NEK5: variants seen among roughly 807,000 people sequenced by gnomAD.
NEK5 encodes the protein NIMA related kinase 5, also known as serine/threonine-protein kinase Nek5.
NEK5 carries 88 observed loss-of-function variants against 109.2 expected under a neutral mutation model. The ratio of observed to expected loss-of-function variants is 0.81; its 90% CI spans 0.68 to 0.96. The LOEUF is 0.96. NEK5 is among the 40% of genes least tolerant of loss of function. NEK5 has a pLI of 0.00. For synonymous variants in NEK5, 283 were observed against 299.9 expected, an observed-to-expected ratio of 0.94 and a Z score of 0.58; for missense variants, 834 against 920.7, an observed-to-expected ratio of 0.91 and a Z score of 1.22.
At chr13:52,039,498 G>A (rs149127349) in intron 23 of NEK5, among the ~76,000 whole-genome samples, 9 of 152,210 alleles carry the variant, frequency 5.9e-5, no homozygotes, top group Admixed American at 2.0e-4. Flanking sequence ...ATTTATTTTC[G>A]TTGTTGCTGC....
At chr13:52,069,809 C>T (rs1386990880) in intron 20 of NEK5, among the ~76,000 whole-genome samples, 2 of 152,312 alleles carry the variant, frequency 1.3e-5, no homozygotes, top group Non-Finnish European at 2.9e-5. Context: ...TGCTCTGCAG[C>T]CAGCATGATC....
chr13:52,102,224 C>G lies in NEK5; in HGVS notation c.678G>C (p.Pro226=), dbSNP rs756681217. The stretch of plus-strand genomic sequence containing the variant: ...AGGAATGGAGCTCACGAGAAAACCC[C>G]GGAGATATTGGGGCAAAATGTGCTT... ...ICQAHFAPIS[P]GFSRELHSLI... is the part of the protein sequence containing the mutation. Residue 226 remains proline (P), a synonymous_variant, in exon 10 of 24, where the codon CCG becomes CCC. Transcript: ENST00000684899. The G allele has an allele frequency of 2.5e-6, 4 of 1,613,930 alleles. No individual in the cohort carries two copies. In the African/African-American group the frequency reaches 5.3e-5, roughly 22 times the overall value.
At chr13:52,069,172 T>C (rs1250944217) in intron 20 of NEK5, among the ~76,000 whole-genome samples, 1 of 152,012 alleles carries the variant, frequency 6.6e-6, no homozygotes, top group African/African-American at 2.4e-5. Context: ...CCCAGCAAAC[T>C]GATGCAAAGA....
chr13:52,097,310 C>T (rs920668315), intron 12 of NEK5, among the ~76,000 whole-genome samples: 7 of 152,164 alleles, frequency 4.6e-5, no homozygotes, highest in African/African-American at 9.7e-5. Context: ...ACTCCAAAAA[C>T]GGTAGATTGA....
chr13:52,118,115 G>A (rs1407162720), intron 4 of NEK5, among the ~76,000 whole-genome samples: 3 of 152,106 alleles, frequency 2.0e-5, no homozygotes, highest in African/African-American at 4.8e-5. Context: ...TGAATGTAGC[G>A]GTTTTAATCA....
chr13:52,118,307 T>C (rs947893334), intron 4 of NEK5, among the ~76,000 whole-genome samples: 3 of 152,168 alleles, frequency 2.0e-5, no homozygotes, highest in African/African-American at 7.2e-5. Context: ...GGAATGACCC[T>C]TCATAAAACT....
At chr13:52,045,190 T>C (rs1280680394) in intron 23 of NEK5, among the ~76,000 whole-genome samples, 1 of 135,020 alleles carries the variant, frequency 7.4e-6, no homozygotes, top group Admixed American at 8.5e-5. Context: ...AGTGCAGTGG[T>C]GTGATCTCGG....
chr13:52,053,353 T>C (rs1475220531), intron 22 of NEK5, among the ~76,000 whole-genome samples: 1 of 152,096 alleles, frequency 6.6e-6, no homozygotes, highest in Non-Finnish European at 1.5e-5. Context: ...AACTGGCAAA[T>C]GAAAGCCTTA....
intron 4 of NEK5, among the ~76,000 whole-genome samples, chr13:52,119,100 T>G (rs1471989379): frequency 1.3e-5 from 2 of 152,010 alleles, no homozygotes; most frequent in African/African-American, 2.4e-5. Flanking sequence ...GAGTGAGAAT[T>G]AAGGAGAGGC....
chr13:52,110,356 C>T lies in NEK5; in HGVS notation c.451G>A (p.Ala151Thr), dbSNP rs116176262. 353 of 1,611,030 alleles carry T rather than the reference C, an allele frequency of 2.2e-4. No individual in the cohort carries two copies. The African/African-American group carries it at 4.2e-3, about 19-fold the overall frequency. ...MVAKLGDFGI[A>T]RVLNNSMELA... Reference sequence around the variant, plus strand: ...AGTACTTACTTATTCAGGACTCTTGCTATACCAAAGTCCCCAAGCTTTGCC... The same window carrying T: ...AGTACTTACTTATTCAGGACTCTTGTTATACCAAAGTCCCCAAGCTTTGCC... Residue 151 changes from alanine (A) to threonine (T), a missense_variant, in exon 7 of 24, where the codon GCA (alanine) becomes ACA (threonine). By Grantham distance (58) the Ala-to-Thr change is moderately conservative. This residue lies in a region of NEK5 where 777 missense variants were observed against 824.7 expected (regional missense o/e 0.94). Transcript: ENST00000684899.
Position 52,089,254 on chromosome 13 carries a change from T to C in NEK5, c.1268A>G (p.Lys423Arg). 1 of 1,589,256 alleles carries C rather than the reference T, an allele frequency of 6.3e-7. No individual in the cohort carries two copies. Among genetic ancestry groups the C allele is most frequent in the Non-Finnish European group, 8.6e-7 (1 of 1,157,970 alleles). Residue 423 changes from lysine (K) to arginine (R), a missense_variant, in exon 14 of 24, where the codon AAG becomes AGG. Lys to Arg is a conservative substitution (Grantham distance 26, BLOSUM62 2). Around this residue, in one of 2 missense-constraint regions of NEK5, gnomAD observed 777 missense variants for 824.7 expected, o/e 0.94. Coordinates refer to ENST00000684899, the MANE Select transcript of NEK5 (RefSeq NM_001365552.1). ...EAQQYKLKVE[K>R]QLGLRPSSAE... ...ATTTGGTATTTTACTTACCAATTGC[T>C]TCTCCACTTTCAACTTATATTGTTG...
At chr13:52,069,959 A>G (rs1954759078) in intron 20 of NEK5, among the ~76,000 whole-genome samples, 1 of 152,134 alleles carries the variant, frequency 6.6e-6, no homozygotes, top group Admixed American at 6.6e-5. Context: ...TGCTCATAAC[A>G]CTTCTGTGAT....
chr13:52,104,397 A>G (rs553680755), intron 9 of NEK5, 101 bp downstream of exon 9: 1 of 837,106 alleles, frequency 1.2e-6, no homozygotes, highest in African/African-American at 1.7e-5. Context: ...ATAATTTTTA[A>G]CAATCTAATA....
Position 52,127,670 on chromosome 13 carries a change from G to A in NEK5, c.-90-8C>T, listed in dbSNP as rs1319642406. ...CTTTGTGGCCACAGATAACTGAAAT[G>A]AGACAGAGTTTCTTGGTCAGACACG... On this transcript the variant is annotated splice_region_variant and splice_polypyrimidine_tract_variant and intron_variant, in intron 1 of 23. Transcript: ENST00000684899. 1.1e-5 allele frequency: 6 copies of A among 538,562 alleles called. No homozygotes were observed. The highest frequency in any genetic ancestry group is 2.0e-5 in the Non-Finnish European group (6 of 304,182). The allele number at this position is 538,562 out of a possible 1,614,324, so 33.4% of individuals were successfully genotyped here.
rs1954336871 is a variant in NEK5, at chr13:52,034,251, G to A, written c.*2697C>T. The stretch of plus-strand genomic sequence containing the variant: ...ACGGATGAGGCCAAGGCTAAAGCCA[G>A]AGTAAAGTAATCAGAGCCATGCCTC... On this transcript the variant is annotated 3_prime_UTR_variant, in exon 24 of 24. Coordinates refer to ENST00000684899, the MANE Select transcript of NEK5 (RefSeq NM_001365552.1). The A allele has an allele frequency of 6.6e-6, 1 of 152,226 alleles. No individual in the cohort carries two copies. The highest frequency in any genetic ancestry group is 6.5e-5 in the Admixed American group (1 of 15,284). The allele number at this position is 152,226 out of a possible 1,614,324, so 9.4% of individuals were successfully genotyped here.
At chr13:52,039,604 T>C (rs1228933923) in intron 23 of NEK5, among the ~76,000 whole-genome samples, 1 of 152,216 alleles carries the variant, frequency 6.6e-6, no homozygotes, top group East Asian at 1.9e-4. Context: ...TGTTTTCTCA[T>C]ATTCTTTTCT....
At chr13:52,051,505 A>G (rs190015159) in intron 22 of NEK5, among the ~76,000 whole-genome samples, 23 of 152,266 alleles carry the variant, frequency 1.5e-4, no homozygotes, top group Admixed American at 1.3e-3. Context: ...CTAAAGCTCT[A>G]CTGTCTTTTG....
chr13:52,109,393 G>A (rs1452428309), intron 7 of NEK5, among the ~76,000 whole-genome samples: 1 of 152,114 alleles, frequency 6.6e-6, no homozygotes, highest in Non-Finnish European at 1.5e-5. Context: ...AGTCCAGCCT[G>A]ACTCTAGTAT....
At chr13:52,049,248 C>T (rs1954482878) in intron 23 of NEK5, among the ~76,000 whole-genome samples, 1 of 151,938 alleles carries the variant, frequency 6.6e-6, no homozygotes, top group African/African-American at 2.4e-5. Context: ...CATAACAAGA[C>T]CTCATGTCTA....
Sources: allele counts gnomAD v4.1 joint callset (sites outside exome capture counted in the v4.1 genomes callset), GRCh38; gene constraint gnomAD v4.1.1; regional missense constraint gnomAD v4.1.1; transcripts MANE v1.5; gene names NCBI Gene and HGNC (gene_info 2026-07-23, HGNC 2026-07-21).